Variants in KSR2 observed in about 807,000 individuals in gnomAD.
KSR2 encodes the protein kinase suppressor of ras 2.
A neutral mutation model predicts 107.8 loss-of-function variants in KSR2; 25 were observed. The observed-to-expected ratio is 0.23, with a 90% CI of 0.17 to 0.32. KSR2 has a LOEUF of 0.32. KSR2 is among the 10% of genes least tolerant of loss of function. The probability of loss-of-function intolerance (pLI) is 1.00; values close to 1 mark genes in which losing one functional copy is unlikely to be tolerated. For synonymous variants in KSR2, 480 were observed against 507.0 expected, an observed-to-expected ratio of 0.95 and a Z score of 0.71; for missense variants, 887 against 1,268.9, an observed-to-expected ratio of 0.70 and a Z score of 4.57.
chr12:117,628,661 G>A (rs534225307), intron 5 of KSR2, among the ~76,000 whole-genome samples: 9 of 152,324 alleles, frequency 5.9e-5, no homozygotes, highest in African/African-American at 2.2e-4. Flanking sequence ...CGGGAGTCAG[G>A]GACCCACTTG....
intron 5 of KSR2, among the ~76,000 whole-genome samples, chr12:117,591,105 G>C (rs1880286577): frequency 1.3e-5 from 2 of 152,154 alleles, no homozygotes; most frequent in African/African-American, 2.4e-5. Flanking sequence ...GGACATGCAA[G>C]CAGCCCAGTC....
chr12:117,696,227 C>T (rs565053849), intron 4 of KSR2, among the ~76,000 whole-genome samples: 91 of 152,242 alleles, frequency 6.0e-4, no homozygotes, highest in Middle Eastern at 3.4e-3. Context: ...TGCTGGGCCC[C>T]GGCTTGGGTT....
At chr12:117,785,143 G>T (rs1299071996) in intron 3 of KSR2, among the ~76,000 whole-genome samples, 1 of 152,176 alleles carries the variant, frequency 6.6e-6, no homozygotes, top group Non-Finnish European at 1.5e-5. Flanking sequence ...GGCTGGGCAT[G>T]ATGGCTCACG....
intron 1 of KSR2, among the ~76,000 whole-genome samples, chr12:117,925,487 C>T (rs1314179053): frequency 6.6e-6 from 1 of 152,126 alleles, no homozygotes; most frequent in East Asian, 1.9e-4. Flanking sequence ...TCTTACTGAC[C>T]TTACTCTTTA....
chr12:117,512,424 G>T (rs1032902009), intron 14 of KSR2, among the ~76,000 whole-genome samples: 1 of 152,130 alleles, frequency 6.6e-6, no homozygotes, highest in Non-Finnish European at 1.5e-5. Context: ...TTCTCAAAGT[G>T]GGGTCCCCAG....
At chr12:117,793,385 G>T (rs1191299425) in intron 3 of KSR2, among the ~76,000 whole-genome samples, 2 of 108,860 alleles carry the variant, frequency 1.8e-5, no homozygotes, top group African/African-American at 3.7e-5. Context: ...ACACACCACT[G>T]TGCACCCATA....
chr12:117,484,988 C>T (rs1022539710), intron 15 of KSR2, among the ~76,000 whole-genome samples: 1 of 152,214 alleles, frequency 6.6e-6, no homozygotes, highest in African/African-American at 2.4e-5. Context: ...TCATTAAGAA[C>T]ACACAGAAGA....
intron 7 of KSR2, among the ~76,000 whole-genome samples, chr12:117,574,441 C>G (rs1019498455): frequency 1.3e-5 from 2 of 152,150 alleles, no homozygotes; most frequent in Admixed American, 6.5e-5. Flanking sequence ...ACTCACAGTT[C>G]CATGTGGCTG....
chr12:117,839,353 T>G (rs1031680168), intron 3 of KSR2, among the ~76,000 whole-genome samples: 44 of 152,336 alleles, frequency 2.9e-4, no homozygotes, highest in Middle Eastern at 3.4e-3. Context: ...GCTCAAGTGC[T>G]GGTACCCCGC....
chr12:117,815,696 C>G (rs1258977764), intron 3 of KSR2, among the ~76,000 whole-genome samples: 5 of 150,202 alleles, frequency 3.3e-5, no homozygotes, highest in African/African-American at 1.2e-4. Flanking sequence ...GTGTGGGGGG[C>G]GCAGACGCAG....
At chr12:117,896,920 G>A (rs1303452610) in intron 1 of KSR2, among the ~76,000 whole-genome samples, 1 of 152,162 alleles carries the variant, frequency 6.6e-6, no homozygotes, top group Non-Finnish European at 1.5e-5. Context: ...GTAGGCAGTC[G>A]TCACCCTCCT....
intron 9 of KSR2, among the ~76,000 whole-genome samples, chr12:117,549,805 A>G (rs1405964811): frequency 6.6e-6 from 1 of 152,224 alleles, no homozygotes; most frequent in African/African-American, 2.4e-5. Context: ...GAACTAAGCA[A>G]TTGAAAGGAA....
rs1483104927 is a variant in KSR2, at chr12:117,721,467, C to T, written c.986+39544G>A. Among the ~76,000 whole-genome samples the T allele has an allele frequency of 2.0e-5, 3 of 152,008 alleles. 1 individual carries two copies. The highest frequency in any genetic ancestry group is 2.9e-5 in the Non-Finnish European group (2 of 68,002). On this transcript the variant is annotated intron_variant, in intron 4 of 19. Coordinates refer to ENST00000339824, the MANE Select transcript of KSR2 (RefSeq NM_173598.6). ...ATCAAGTGGGATTTCTACTGTTGTC[C>T]CAGAATTATAGTTTATACCCAAATC...
intron 1 of KSR2, among the ~76,000 whole-genome samples, chr12:117,889,149 C>T (rs1049354539): frequency 6.6e-6 from 1 of 152,178 alleles, no homozygotes; most frequent in African/African-American, 2.4e-5. Flanking sequence ...GGTCACCTAA[C>T]TCCAAGGACG....
intron 4 of KSR2, among the ~76,000 whole-genome samples, chr12:117,691,140 G>T (rs1885795261): frequency 6.6e-6 from 1 of 152,168 alleles, no homozygotes; most frequent in African/African-American, 2.4e-5. Flanking sequence ...ATTTTTGAGG[G>T]GATAAGAGGA....
chr12:117,536,808 GT>G (rs1198886342), intron 10 of KSR2, among the ~76,000 whole-genome samples: 1 of 152,226 alleles, frequency 6.6e-6, no homozygotes, highest in Non-Finnish European at 1.5e-5. Flanking sequence ...GTTAATTTCA[GT>G]TTTCACTGTT....
rs745617103 is a variant in KSR2 at position 117,471,302 on chromosome 12, G to A, written c.2601C>T (p.Leu867=). Reference sequence around the variant, plus strand: ...TCTTGAAAGGCCATTCCCTGGCGTGGAGTTCATACCAGATTGTGCTGTTGG... The same window carrying A: ...TCTTGAAAGGCCATTCCCTGGCGTGAAGTTCATACCAGATTGTGCTGTTGG... ...VFALGTIWYE[L]HAREWPFKTQ... The change falls in exon 18 of 20, where the codon CTC becomes CTT. Residue 867 remains leucine, a synonymous_variant. Transcript: ENST00000339824. 1 of 1,613,812 alleles carries A rather than the reference G, an allele frequency of 6.2e-7. No individual in the cohort carries two copies. The highest frequency in any genetic ancestry group is 1.1e-5 in the South Asian group (1 of 91,052).
At chr12:117,828,454 T>A (rs1045439098) in intron 3 of KSR2, among the ~76,000 whole-genome samples, 1 of 152,242 alleles carries the variant, frequency 6.6e-6, no homozygotes, top group Non-Finnish European at 1.5e-5. Context: ...ACCATTTTTA[T>A]TGAGTGCTTA....
chr12:117,504,509 C>T (rs1873559392), intron 14 of KSR2, among the ~76,000 whole-genome samples: 1 of 152,180 alleles, frequency 6.6e-6, no homozygotes, highest in Non-Finnish European at 1.5e-5. Context: ...ACCTTGTCCT[C>T]TCAGGCCTCC....
Sources: allele counts gnomAD v4.1 joint callset (sites outside exome capture counted in the v4.1 genomes callset), GRCh38; gene constraint gnomAD v4.1.1; transcripts MANE v1.5; gene names NCBI Gene and HGNC (gene_info 2026-07-23, HGNC 2026-07-21).